The following PTPRK variants were observed in gnomAD, a reference collection of about 807,000 sequenced individuals.
PTPRK encodes protein tyrosine phosphatase receptor type K.
PTPRK carries 75 observed loss-of-function variants against 178.0 expected under a neutral mutation model. The ratio of observed to expected loss-of-function variants is 0.42; its 90% CI spans 0.35 to 0.51. The LOEUF (loss-of-function observed/expected upper bound fraction) is 0.51, where lower values mean the gene tolerates loss of function less well. PTPRK is among the 20% of genes least tolerant of loss of function. PTPRK has a pLI of 0.02. For synonymous variants in PTPRK, 637 were observed against 620.6 expected, an observed-to-expected ratio of 1.03 and a Z score of -0.39; for missense variants, 1,441 against 1,797.8, an observed-to-expected ratio of 0.80 and a Z score of 3.59.
intron 2 of PTPRK, among the ~76,000 whole-genome samples, chr6:128,360,946 AAT>A (rs996291154): frequency 9.3e-4 from 142 of 152,280 alleles, no homozygotes; most frequent in African/African-American, 3.2e-3. Flanking sequence ...AATTTTTTGA[AAT>A]ACTGAAAATG....
At chr6:128,103,833 C>T (rs561364622) in intron 7 of PTPRK, among the ~76,000 whole-genome samples, 3 of 152,134 alleles carry the variant, frequency 2.0e-5, no homozygotes, top group African/African-American at 7.2e-5. Context: ...TGTCTTCCCA[C>T]AGTTTGTTAC....
chr6:128,517,918 C>A lies in PTPRK; in HGVS notation c.100+2341G>T, dbSNP rs182255957. Among the ~76,000 whole-genome samples the A allele has an allele frequency of 1.2e-3, 185 of 152,076 alleles. 2 individuals carry two copies. The highest frequency in any genetic ancestry group is 4.1e-3 in the African/African-American group (171 of 41,492). On this transcript the variant is annotated intron_variant, in intron 1 of 29. Transcript: ENST00000368226. ...TAGTTAAAGTAAAATATAAGAAAAA[C>A]CAGCAATATGGAATACACCTCCAAT...
intron 19 of PTPRK, among the ~76,000 whole-genome samples, chr6:127,991,818 G>T (rs1015020739): frequency 6.6e-6 from 1 of 151,514 alleles, no homozygotes; most frequent in Non-Finnish European, 1.5e-5. Flanking sequence ...ATCCTTACAC[G>T]TAAGGACATA....
intron 5 of PTPRK, chr6:128,232,296 C>T (rs1044344111): frequency 6.6e-6 from 1 of 152,380 alleles, no homozygotes; most frequent in Non-Finnish European, 1.5e-5. Flanking sequence ...CTCCAGTCCG[C>T]GTTGCTCACG....
chr6:128,217,531 A>C (rs1809555665), intron 6 of PTPRK, among the ~76,000 whole-genome samples: 1 of 152,202 alleles, frequency 6.6e-6, no homozygotes, highest in Non-Finnish European at 1.5e-5. Context: ...GCTCTGGGTA[A>C]ATTATCATAA....
At chr6:128,154,022 A>G (rs1419098900) in intron 7 of PTPRK, among the ~76,000 whole-genome samples, 1 of 151,856 alleles carries the variant, frequency 6.6e-6, no homozygotes, top group Non-Finnish European at 1.5e-5. Context: ...TGTATTCTTT[A>G]GCTAAGAATT....
intron 15 of PTPRK, chr6:128,001,199 T>G: frequency 6.5e-7 from 1 of 1,533,890 alleles, no homozygotes; most frequent in Middle Eastern, 1.7e-4. Context: ...CACTTACCTG[T>G]TATAGGAACT....
chr6:128,520,589 C>A lies in PTPRK; in HGVS notation c.-231G>T, dbSNP rs988818322. On this transcript the variant is annotated 5_prime_UTR_variant, in exon 1 of 30. Transcript: ENST00000368226. ...AGCTCTCCATGCTCGGCGGAGGCTG[C>A]TCCTGTTAGTCAAGAGTTACTTTGC... 7.6e-6 allele frequency: 4 copies of A among 525,838 alleles called. No homozygotes were observed. Among genetic ancestry groups the A allele is most frequent in the Non-Finnish European group, 1.4e-5 (4 of 291,640 alleles). 32.6% of individuals were successfully genotyped at this position (525,838 alleles called of 1,614,324 possible).
At chr6:128,246,513 A>G (rs1050539588) in intron 3 of PTPRK, among the ~76,000 whole-genome samples, 4 of 152,248 alleles carry the variant, frequency 2.6e-5, no homozygotes, top group East Asian at 1.9e-4. Context: ...CATTAACGAG[A>G]GCTAGAAGAA....
In PTPRK at chr6:128,009,133, T is replaced by C; in HGVS notation, c.2330A>G (p.Lys777Arg). The C allele has an allele frequency of 6.2e-7, 1 of 1,607,874 alleles. No homozygotes were observed. The highest frequency in any genetic ancestry group is 1.3e-5 in the African/African-American group (1 of 74,524). The change falls in exon 14 of 30, where the codon AAG becomes AGG. Residue 777 changes from lysine to arginine, a missense_variant. Transcript: ENST00000368226. ...ACAGGACAATATTAGGCCTTACCTC[T>C]TTTTTACAATTAATATGACAACTAG... ...LLLVVILIVK[K>R]SKLAKKRKDA...
At chr6:128,494,529 C>T (rs1173879163) in intron 1 of PTPRK, among the ~76,000 whole-genome samples, 2 of 151,916 alleles carry the variant, frequency 1.3e-5, no homozygotes, top group Non-Finnish European at 2.9e-5. Flanking sequence ...TCAGCGGGAG[C>T]ACTGCAGTTA....
chr6:128,335,931 T>C (rs1830863038), intron 2 of PTPRK, among the ~76,000 whole-genome samples: 1 of 152,120 alleles, frequency 6.6e-6, no homozygotes, highest in Non-Finnish European at 1.5e-5. Context: ...GCTATTCTAC[T>C]TTCAGTGCTA....
At chr6:128,520,131 T>C (rs1858804082) in intron 1 of PTPRK, 128 bp downstream of exon 1, 1 of 774,742 alleles carries the variant, frequency 1.3e-6, no homozygotes, top group South Asian at 2.0e-5. Context: ...CCCTCTACCC[T>C]GTGTTCCCCA....
chr6:128,184,782 A>G, intron 6 of PTPRK, 57 bp from the exon 7 acceptor site: 3 of 1,506,786 alleles, frequency 2.0e-6, no homozygotes, highest in Non-Finnish European at 2.7e-6. Context: ...ACAAAGATAT[A>G]TTAGTGTCTA....
chr6:128,043,884 T>A lies in PTPRK; in HGVS notation c.2194+20874A>T, dbSNP rs1045154821. 1.3e-4 allele frequency among the ~76,000 whole-genome samples: 20 copies of A among 151,918 alleles called. 1 individual carries two copies. Among genetic ancestry groups the A allele is most frequent in the Non-Finnish European group, 2.5e-4 (17 of 67,894 alleles). ...ACCATATTTTTTAGTATTCTGTATA[T>A]GACACATTTGTGTATTTAAGCACTG... On this transcript the variant is annotated intron_variant, in intron 13 of 29. Coordinates refer to ENST00000368226, the MANE Select transcript of PTPRK (RefSeq NM_002844.4).
In PTPRK at chr6:128,322,230, C is replaced by G; in HGVS notation, c.304G>C (p.Asp102His). The G allele has an allele frequency of 6.2e-7, 1 of 1,613,460 alleles. No homozygotes were observed. The highest frequency in any genetic ancestry group is 2.2e-5 in the East Asian group (1 of 44,862). The change falls in exon 3 of 30, where the codon GAC becomes CAC. Residue 102 changes from aspartate to histidine, a missense_variant. Physicochemically the swap from Asp to His is moderately conservative, Grantham distance 81. Around this residue, in one of 4 missense-constraint regions of PTPRK, gnomAD observed 158 missense variants for 188.0 expected, o/e 0.84. Coordinates refer to ENST00000368226, the MANE Select transcript of PTPRK (RefSeq NM_002844.4). Reference sequence around the variant, plus strand: ...TAACTGAAATCAATGCAGTGAGTGTCGTTCTCCTTCATTGTAGGCAGCTGA... The same window carrying G: ...TAACTGAAATCAATGCAGTGAGTGTGGTTCTCCTTCATTGTAGGCAGCTGA... ...RLQLPTMKEN[D>H]THCIDFSYLL...
Position 128,193,280 on chromosome 6 carries a change from G to GAAAAA in PTPRK, c.869-8560_869-8556dup, listed in dbSNP as rs778872277. 1.1e-3 allele frequency among the ~76,000 whole-genome samples: 65 copies of GAAAAA among 57,750 alleles called. 6 individuals carry two copies. The highest frequency in any genetic ancestry group is 3.7e-3 in the African/African-American group (61 of 16,418). 37.9% of individuals were successfully genotyped at this position (57,750 alleles called of 152,430 possible). On this transcript the variant is annotated intron_variant, in intron 6 of 29. Coordinates refer to ENST00000368226, the MANE Select transcript of PTPRK (RefSeq NM_002844.4). ...GAATCAAATGATTTATCCAGCTTGT[G>GAAAAA]AAAAAAAAAAAAAAAAAAAAAAAAG...
chr6:128,142,137 T>C (rs1470155038), intron 7 of PTPRK, among the ~76,000 whole-genome samples: 1 of 152,022 alleles, frequency 6.6e-6, no homozygotes, highest in Non-Finnish European at 1.5e-5. Context: ...TATATATACA[T>C]AGACCACATA....
At chr6:128,299,352 A>G (rs13217355) in intron 3 of PTPRK, among the ~76,000 whole-genome samples, 1 of 151,504 alleles carries the variant, frequency 6.6e-6, no homozygotes, top group African/African-American at 2.4e-5. Context: ...GACTTTCTTC[A>G]CAGAATTGGA....
Sources: allele counts gnomAD v4.1 joint callset (sites outside exome capture counted in the v4.1 genomes callset), GRCh38; gene constraint gnomAD v4.1.1; regional missense constraint gnomAD v4.1.1; transcripts MANE v1.5; gene names NCBI Gene and HGNC (gene_info 2026-07-23, HGNC 2026-07-21).